CSMD1: variants seen among roughly 807,000 people sequenced by gnomAD.
CSMD1 encodes the protein CUB and Sushi multiple domains 1.
A neutral mutation model predicts 417.5 loss-of-function variants in CSMD1; 213 were observed. The observed-to-expected ratio is 0.51, with a 90% CI of 0.46 to 0.57. CSMD1 has a LOEUF of 0.57. Ranked by LOEUF, CSMD1 falls within the 20% of genes least tolerant of loss-of-function variation. The probability of loss-of-function intolerance (pLI) is 0.00; values close to 1 mark genes in which losing one functional copy is unlikely to be tolerated. For synonymous variants in CSMD1, 2,862 were observed against 1,736.8 expected, an observed-to-expected ratio of 1.65 and a Z score of -16.11; for missense variants, 6,923 against 4,529.7, an observed-to-expected ratio of 1.53 and a Z score of -15.17.
chr8:4,195,478 G>C (rs957732266), intron 3 of CSMD1, among the ~76,000 whole-genome samples: 2 of 152,184 alleles, frequency 1.3e-5, no homozygotes, highest in Non-Finnish European at 2.9e-5. Context: ...TGCTCCTCGT[G>C]AGTCTCACCC....
intron 4 of CSMD1, among the ~76,000 whole-genome samples, chr8:4,022,846 G>C (rs1005195716): frequency 6.6e-6 from 1 of 152,198 alleles, no homozygotes; most frequent in African/African-American, 2.4e-5. Flanking sequence ...GAAGAAGAGA[G>C]TTCATTCGGA....
chr8:4,693,335 G>C (rs1052837231), intron 1 of CSMD1, among the ~76,000 whole-genome samples: 2 of 152,340 alleles, frequency 1.3e-5, no homozygotes, highest in Non-Finnish European at 1.5e-5. Flanking sequence ...ATGTGATACA[G>C]GGATGCATGG....
At chr8:3,743,533 T>A in intron 6 of CSMD1, among the ~76,000 whole-genome samples, 1 of 152,162 alleles carries the variant, frequency 6.6e-6, no homozygotes, top group East Asian at 1.9e-4. Context: ...CAAGGGTGGT[T>A]GCAGGGTGTG....
At chr8:3,461,151 A>C (rs1007269830) in intron 12 of CSMD1, among the ~76,000 whole-genome samples, 6 of 152,162 alleles carry the variant, frequency 3.9e-5, no homozygotes, top group African/African-American at 1.4e-4. Flanking sequence ...TGAGGCTGCT[A>C]GAGAGGGCTC....
intron 18 of CSMD1, among the ~76,000 whole-genome samples, chr8:3,382,095 T>G (rs1228661235): frequency 6.6e-6 from 1 of 151,866 alleles, no homozygotes; most frequent in Non-Finnish European, 1.5e-5. Flanking sequence ...CTGTCTCTAC[T>G]AAAAAATACA....
In CSMD1 at chr8:3,308,633, C is replaced by A. The variant is rs555061204; in HGVS notation, c.3632-130G>T. 1.5e-4 allele frequency: 99 copies of A among 659,454 alleles called. No individual in the cohort carries two copies. The highest frequency in any genetic ancestry group is 4.5e-4 in the South Asian group (21 of 46,592). 40.9% of individuals were successfully genotyped at this position (659,454 alleles called of 1,614,324 possible). ...GAGAAAAAAGGAGATTGTGAATTTACAAAGGGGAAAAGAAAGATGGGTCTG... is the reference window on the plus strand; with the variant it reads ...GAGAAAAAAGGAGATTGTGAATTTAAAAAGGGGAAAAGAAAGATGGGTCTG... On this transcript the variant is annotated intron_variant, in intron 23 of 69. Transcript: ENST00000635120.
chr8:4,409,684 G>C (rs946956836), intron 3 of CSMD1, among the ~76,000 whole-genome samples: 33 of 142,792 alleles, frequency 2.3e-4, no homozygotes, highest in Non-Finnish European at 7.5e-5. Flanking sequence ...CAGATAAAGA[G>C]ACAAAGCACA....
intron 37 of CSMD1, among the ~76,000 whole-genome samples, chr8:3,172,153 C>G (rs74811127): frequency 6.6e-6 from 1 of 152,144 alleles, no homozygotes; most frequent in East Asian, 1.9e-4. Flanking sequence ...CTACAACGTA[C>G]TGCGCACTGT....
chr8:4,843,018 T>A (rs1353629849), intron 1 of CSMD1, among the ~76,000 whole-genome samples: 1 of 152,206 alleles, frequency 6.6e-6, no homozygotes, highest in East Asian at 1.9e-4. Flanking sequence ...ACTCCAGGAC[T>A]CTAACATCAA....
chr8:4,368,564 T>C (rs948883860), intron 3 of CSMD1, among the ~76,000 whole-genome samples: 4 of 152,186 alleles, frequency 2.6e-5, no homozygotes, highest in African/African-American at 9.6e-5. Flanking sequence ...CTCTTTTTTG[T>C]ACATCTGGTA....
chr8:4,512,249 A>G (rs183041256), intron 2 of CSMD1, among the ~76,000 whole-genome samples: 1 of 152,336 alleles, frequency 6.6e-6, no homozygotes, highest in East Asian at 1.9e-4. Flanking sequence ...TTATGATTCA[A>G]AAAATATCCT....
intron 8 of CSMD1, among the ~76,000 whole-genome samples, chr8:3,590,391 G>T (rs1015961650): frequency 6.6e-6 from 1 of 152,068 alleles, no homozygotes; most frequent in African/African-American, 2.4e-5. Context: ...GTAGTCATGT[G>T]CACTCTCCAG....
chr8:4,182,179 T>G (rs1563234905), intron 3 of CSMD1, among the ~76,000 whole-genome samples: 1 of 152,064 alleles, frequency 6.6e-6, no homozygotes. Context: ...GACCTATTAG[T>G]TTTCTGATTA....
intron 3 of CSMD1, among the ~76,000 whole-genome samples, chr8:4,061,146 C>G (rs942589031): frequency 1.3e-5 from 2 of 152,154 alleles, no homozygotes; most frequent in Non-Finnish European, 2.9e-5. Context: ...ATCTCATCCC[C>G]ATCCTTGCCC....
At chr8:3,654,815 G>C (rs1290577521) in intron 7 of CSMD1, among the ~76,000 whole-genome samples, 1 of 152,120 alleles carries the variant, frequency 6.6e-6, no homozygotes, top group East Asian at 1.9e-4. Flanking sequence ...GGCTACCATG[G>C]CGCCCAGGAT....
intron 3 of CSMD1, among the ~76,000 whole-genome samples, chr8:4,321,056 A>T (rs1585226923): frequency 6.6e-6 from 1 of 152,148 alleles, no homozygotes; most frequent in Admixed American, 6.6e-5. Context: ...TTTTACACAC[A>T]GATCTCTTAT....
At chr8:3,685,232 T>C (rs1479917720) in intron 7 of CSMD1, among the ~76,000 whole-genome samples, 1 of 152,210 alleles carries the variant, frequency 6.6e-6, no homozygotes, top group Non-Finnish European at 1.5e-5. Context: ...ACACCAAAAA[T>C]AGTGACTATA....
intron 18 of CSMD1, among the ~76,000 whole-genome samples, chr8:3,374,142 C>T (rs1263335425): frequency 1.3e-5 from 2 of 151,068 alleles, no homozygotes; most frequent in East Asian, 2.0e-4. Flanking sequence ...TTAGTAGAGA[C>T]GGGGTTTCAC....
In CSMD1 at chr8:3,616,789, C is replaced by G. The variant is rs1443975860; in HGVS notation, c.1018G>C (p.Gly340Arg). 5 of 1,609,266 alleles carry G rather than the reference C, an allele frequency of 3.1e-6. No homozygotes were observed. Among genetic ancestry groups the G allele is most frequent in the Non-Finnish European group, 4.2e-6 (5 of 1,176,974 alleles). ...GSHKNSVLSQ[G>R]GVALVSDMCP... ...ATGTCAGAGACCAATGCAACACCTC[C>G]TTGGCTCACTGTAATAGACAGAAAC... The change falls in exon 8 of 70, where the codon GGA (glycine) becomes CGA (arginine). Residue 340 changes from glycine to arginine, a missense_variant. By Grantham distance (125) the Gly-to-Arg change is moderately radical. Coordinates refer to ENST00000635120, the MANE Select transcript of CSMD1 (RefSeq NM_033225.6).
Sources: allele counts gnomAD v4.1 joint callset (sites outside exome capture counted in the v4.1 genomes callset), GRCh38; gene constraint gnomAD v4.1.1; transcripts MANE v1.5; gene names NCBI Gene and HGNC (gene_info 2026-07-23, HGNC 2026-07-21).